The following HDAC9 variants were observed in gnomAD, a reference collection of about 807,000 sequenced individuals.
The protein encoded by HDAC9 is MEF-2 interacting transcription repressor (MITR) protein.
In HDAC9, 41 loss-of-function variants were observed where a neutral mutation model predicts 139.4. The ratio of observed to expected loss-of-function variants is 0.29; its 90% CI spans 0.23 to 0.38. The LOEUF is 0.38. HDAC9 is among the 10% of genes least tolerant of loss of function. HDAC9 has a pLI of 1.00. For missense variants in HDAC9, 1,147 were observed against 1,297.0 expected, an observed-to-expected ratio of 0.88 and a Z score of 1.78; for synonymous variants, 517 against 476.2, an observed-to-expected ratio of 1.09 and a Z score of -1.12.
intron 23 of HDAC9, among the ~76,000 whole-genome samples, chr7:18,942,565 G>C (rs368273279): frequency 6.6e-6 from 1 of 151,998 alleles, no homozygotes; most frequent in Non-Finnish European, 1.5e-5. Flanking sequence ...GTTTGTTTTG[G>C]AGATGGCAGA....
chr7:18,668,976 GT>G (rs1421781139), intron 12 of HDAC9: 3 of 743,108 alleles, frequency 4.0e-6, no homozygotes, highest in African/African-American at 1.9e-5. Flanking sequence ...ATTTTGAGCA[GT>G]TACATCTAAT....
At chr7:18,392,315 TCACA>T (rs57932620) in intron 1 of HDAC9, among the ~76,000 whole-genome samples, 2,091 of 119,264 alleles carry the variant, frequency 0.018, 46 homozygotes, top group African/African-American at 0.047. Flanking sequence ...TCTCTCTCTC[TCACA>T]CACACACACA....
At chr7:18,617,048 C>T (rs2128928168) in intron 6 of HDAC9, among the ~76,000 whole-genome samples, 1 of 152,272 alleles carries the variant, frequency 6.6e-6, no homozygotes, top group East Asian at 1.9e-4. Flanking sequence ...CACCAGGTGC[C>T]TAGTTTTCCT....
intron 1 of HDAC9, among the ~76,000 whole-genome samples, chr7:18,102,438 A>G (rs1359009184): frequency 6.6e-6 from 1 of 152,204 alleles, no homozygotes; most frequent in Non-Finnish European, 1.5e-5. Context: ...ACTGTCATAA[A>G]TATCAGCACC....
chr7:18,639,619 A>G (rs1003682800), intron 8 of HDAC9, among the ~76,000 whole-genome samples: 2 of 152,090 alleles, frequency 1.3e-5, no homozygotes, highest in Non-Finnish European at 2.9e-5. Flanking sequence ...GCTATCTGAA[A>G]GAAGAGTAGA....
chr7:18,780,887 T>A (rs2028014), intron 16 of HDAC9, among the ~76,000 whole-genome samples: 1 of 151,608 alleles, frequency 6.6e-6, no homozygotes, highest in Non-Finnish European at 1.5e-5. Context: ...CAACACAGAA[T>A]ATCTTTTTAA....
chr7:18,958,418 T>G (rs1783307075), intron 24 of HDAC9, among the ~76,000 whole-genome samples: 1 of 152,264 alleles, frequency 6.6e-6, no homozygotes, highest in Middle Eastern at 3.4e-3. Context: ...AGCACTCCCA[T>G]GTACTTTGTG....
At chr7:18,269,757 C>CATAT in intron 2 of HDAC9, among the ~76,000 whole-genome samples, 1 of 151,382 alleles carries the variant, frequency 6.6e-6, no homozygotes, top group East Asian at 1.9e-4. Context: ...CATATATACA[C>CATAT]ATATATATAT....
intron 2 of HDAC9, among the ~76,000 whole-genome samples, chr7:18,202,270 T>TAGA: frequency 6.6e-6 from 1 of 152,218 alleles, no homozygotes; most frequent in Non-Finnish European, 1.5e-5. Context: ...TATTTCATTT[T>TAGA]GTTCCAGATA....
chr7:18,243,380 T>C (rs1434903101), intron 2 of HDAC9, among the ~76,000 whole-genome samples: 1 of 152,238 alleles, frequency 6.6e-6, no homozygotes, highest in Non-Finnish European at 1.5e-5. Context: ...AGAGTTAGAA[T>C]GATCCATGTT....
chr7:18,556,177 GCA>G (rs1381577036), intron 2 of HDAC9, among the ~76,000 whole-genome samples: 2 of 152,026 alleles, frequency 1.3e-5, no homozygotes, highest in East Asian at 3.8e-4. Context: ...AATACAGGTA[GCA>G]CTTCGTGTTA....
rs142365388 is a variant in HDAC9, at chr7:18,945,174, T to C, written c.2938-8972T>C. On this transcript the variant is annotated intron_variant, in intron 23 of 25. Coordinates refer to ENST00000686413, the MANE Select transcript of HDAC9 (RefSeq NM_178425.4). ...TGGCATACAAGTGTTTACACAGTTCTGTATCCTTCTAATACTCCATATTGT... is the reference window on the plus strand; with the variant it reads ...TGGCATACAAGTGTTTACACAGTTCCGTATCCTTCTAATACTCCATATTGT... 4.0e-3 allele frequency among the ~76,000 whole-genome samples: 605 copies of C among 152,374 alleles called. 6 individuals are homozygous for C. The highest frequency in any genetic ancestry group is 0.014 in the African/African-American group (580 of 41,600).
At chr7:18,851,649 A>G (rs1176577171) in intron 21 of HDAC9, among the ~76,000 whole-genome samples, 1 of 152,158 alleles carries the variant, frequency 6.6e-6, no homozygotes, top group East Asian at 1.9e-4. Flanking sequence ...TTTAATTTTC[A>G]AAGAGTGGAC....
At position 18,719,331 on chromosome 7, in the gene HDAC9, C is replaced by CTTTTTTTTTTTTTTTTTTTT. The variant is rs757689693; in HGVS notation, c.1732-8242_1732-8223dup. On this transcript the variant is annotated intron_variant, in intron 12 of 25. Transcript: ENST00000686413. ...CTAATTAACCTATTTTTTTCTCTTC[C>CTTTTTTTTTTTTTTTTTTTT]TTTTTTTTTTTTTTTTTTTTTTTTT... is the stretch of plus-strand genomic sequence containing the variant. Among the ~76,000 whole-genome samples the CTTTTTTTTTTTTTTTTTTTT allele has an allele frequency of 5.0e-4, 37 of 73,908 alleles. 2 individuals are homozygous for CTTTTTTTTTTTTTTTTTTTT. The highest frequency in any genetic ancestry group is 1.9e-3 in the African/African-American group (29 of 15,200). The allele number at this position is 73,908 out of a possible 152,430, so 48.5% of individuals were successfully genotyped here. A position where few individuals can be genotyped will look rare whatever the true frequency, so the allele number is the denominator to read the frequency against.
chr7:18,537,919 A>T lies in HDAC9; in HGVS notation c.22+41595A>T, dbSNP rs567588266. Among the ~76,000 whole-genome samples the T allele has an allele frequency of 2.0e-3, 310 of 152,298 alleles. 1 individual carries two copies. The highest frequency in any genetic ancestry group is 6.9e-3 in the African/African-American group (286 of 41,572). On this transcript the variant is annotated intron_variant, in intron 2 of 25. Transcript: ENST00000686413. The stretch of plus-strand genomic sequence containing the variant: ...AGCAGCTTTCCTAAGGCCTCAGTTG[A>T]TGGGCCTTGCCTTCAGTCCTTCATA...
chr7:18,912,335 A>G (rs138966722), intron 22 of HDAC9, among the ~76,000 whole-genome samples: 2 of 152,236 alleles, frequency 1.3e-5, no homozygotes, highest in African/African-American at 4.8e-5. Context: ...CTAAGTTTTT[A>G]TCAGAATAAA....
At chr7:18,223,224 T>C (rs1792823789) in intron 2 of HDAC9, among the ~76,000 whole-genome samples, 2 of 152,284 alleles carry the variant, frequency 1.3e-5, no homozygotes, top group South Asian at 4.1e-4. Flanking sequence ...TAATATAGCC[T>C]TTGATACGTA....
chr7:18,610,155 T>A (rs1836718122), intron 6 of HDAC9, among the ~76,000 whole-genome samples: 1 of 152,148 alleles, frequency 6.6e-6, no homozygotes, highest in Non-Finnish European at 1.5e-5. Context: ...CCAACCCCAA[T>A]GTCCATCAGT....
At chr7:18,161,747 T>A (rs112212988) in intron 1 of HDAC9, among the ~76,000 whole-genome samples, 1 of 152,320 alleles carries the variant, frequency 6.6e-6, no homozygotes. Flanking sequence ...GTCACTCTTA[T>A]AGTTTATGGC....
Sources: gnomAD v4.1 joint callset for allele counts (sites outside exome capture counted in the v4.1 genomes callset) on GRCh38, gnomAD v4.1.1 for gene constraint, MANE v1.5 for transcripts, NCBI Gene and HGNC (gene_info 2026-07-23, HGNC 2026-07-21) for gene names.